Variants in ADCY1 observed in about 807,000 individuals in gnomAD.
ADCY1 encodes adenylate cyclase 1.
Under a neutral mutation model 105.4 loss-of-function variants are expected in ADCY1, and 28 were observed. The observed-to-expected ratio is 0.27, with a 90% CI of 0.20 to 0.36. The LOEUF (loss-of-function observed/expected upper bound fraction) is 0.36. Among genes scored for constraint, ADCY1 ranks in the 10% least tolerant of loss-of-function variants. The probability of loss-of-function intolerance (pLI) is 1.00; values close to 1 mark genes in which losing one functional copy is unlikely to be tolerated. For synonymous variants in ADCY1, 655 were observed against 623.8 expected (o/e 1.05, Z -0.75); for missense variants, 977 against 1,434.2 (o/e 0.68, Z 5.15).
intron 14 of ADCY1, among the ~76,000 whole-genome samples, chr7:45,694,323 A>C (rs1256984452): frequency 6.6e-6 from 1 of 152,180 alleles, no homozygotes; most frequent in Non-Finnish European, 1.5e-5. Context: ...AGTCCATAAC[A>C]GAAAGATCTC....
Position 45,574,720 on chromosome 7 carries a change from G to A in ADCY1, c.177G>A (p.Ala59=). The A allele has an allele frequency of 7.1e-7, 1 of 1,410,842 alleles. No homozygotes were observed. The highest frequency in any genetic ancestry group is 3.0e-5 in the East Asian group (1 of 32,914). The allele number at this position is 1,410,842 out of a possible 1,614,324, so 87.4% of individuals were successfully genotyped here. A position where few individuals can be genotyped will look rare whatever the true frequency, so the allele number is the denominator to read the frequency against. The part of the protein sequence containing the change: ...FRGYTLRLEQ[A]ATLKALAVLS... ...GCTACACGCTGCGGCTGGAGCAGGC[G>A]GCCACGCTGAAGGCGCTGGCCGTTC... The change falls in exon 1 of 20, where the codon GCG becomes GCA. Residue 59 remains alanine, a synonymous_variant. Transcript: ENST00000297323. The surrounding 1 kb of genome is among the most constrained non-coding windows in gnomAD (Gnocchi z 7.0).
At chr7:45,627,538 C>A (rs950191692) in intron 4 of ADCY1, among the ~76,000 whole-genome samples, 2 of 152,232 alleles carry the variant, frequency 1.3e-5, no homozygotes, top group African/African-American at 4.8e-5. Flanking sequence ...TTAAGTGGGA[C>A]AGTGCCATGC....
Position 45,710,562 on chromosome 7 carries a change from T to G in ADCY1, c.2967T>G (p.Ile989Met). 6.2e-7 allele frequency: 1 copy of G among 1,613,980 alleles called. No homozygotes were observed. The highest frequency in any genetic ancestry group is 8.5e-7 in the Non-Finnish European group (1 of 1,179,964). The change falls in exon 19 of 20, where the codon ATT becomes ATG. Residue 989 changes from isoleucine (I) to methionine (M), a missense_variant. By Grantham distance (10) the Ile-to-Met change is conservative (BLOSUM62 1). This residue lies in a region of ADCY1 where 152 missense variants were observed against 293.7 expected (regional missense o/e 0.52). Transcript: ENST00000297323. This position sits in a 1 kb window ranked among gnomAD's most constrained non-coding sequence, Gnocchi z 4.7. ...INVGPVVAGV[I>M]GARRPQYDIW... ...TTGGCCCTGTGGTGGCTGGAGTGAT[T>G]GGCGCTCGCAGGCCCCAGTACGACA... is the stretch of plus-strand genomic sequence containing the variant.
chr7:45,645,881 G>C (rs1292034466), intron 4 of ADCY1, among the ~76,000 whole-genome samples: 1 of 151,910 alleles, frequency 6.6e-6, no homozygotes, highest in Non-Finnish European at 1.5e-5. Flanking sequence ...GCTCTTGTGG[G>C]CTCCCAGAGG....
rs1785214840 is a variant in ADCY1, at chr7:45,710,695, T to G, written c.3057+43T>G. 6.3e-7 allele frequency: 1 copy of G among 1,577,252 alleles called. No individual in the cohort carries two copies. The highest frequency in any genetic ancestry group is 2.3e-5 in the East Asian group (1 of 43,620). ...CCCCTAAGGCATGGGTGCCCATTCT[T>G]CAGGTGAGGAAACTGAGGCACAGGG... On this transcript the variant is annotated intron_variant, in intron 19 of 19. Coordinates refer to ENST00000297323, the MANE Select transcript of ADCY1 (RefSeq NM_021116.4). The surrounding 1 kb of genome is among the most constrained non-coding windows in gnomAD (Gnocchi z 4.7).
At chr7:45,574,284 T>G, upstream of ADCY1, 1 of 331,260 alleles carries the variant, frequency 3.0e-6, no homozygotes, top group South Asian at 1.2e-4. The surrounding 1 kb of genome is among the most constrained non-coding windows in gnomAD (Gnocchi z 7.0). Flanking sequence ...CTCCCGGGGC[T>G]CGGCTGTCGC....
intron 2 of ADCY1, among the ~76,000 whole-genome samples, chr7:45,597,169 A>G (rs746152609): frequency 8.5e-5 from 13 of 152,162 alleles, no homozygotes; most frequent in Non-Finnish European, 1.9e-4. Flanking sequence ...CAAACTCCCA[A>G]TATTAAAACT....
chr7:45,671,274 T>A (rs879920485), intron 8 of ADCY1, among the ~76,000 whole-genome samples: 2,228 of 152,344 alleles, frequency 0.015, 21 homozygotes, highest in Middle Eastern at 0.041. Context: ...AGTGCCTTCC[T>A]TTCATTGCTA....
In ADCY1 at chr7:45,680,110, G is replaced by C. The variant is rs74376359; in HGVS notation, c.1983+317G>C. ...CAGGTGCTCATGAAGACCCAGTTCT[G>C]CACTGGGCACATGCACTCCTTTGGG... On this transcript the variant is annotated intron_variant, in intron 11 of 19. Coordinates refer to ENST00000297323, the MANE Select transcript of ADCY1 (RefSeq NM_021116.4). Among the ~76,000 whole-genome samples, 1,440 of 152,332 alleles carry C rather than the reference G, an allele frequency of 9.5e-3. 20 individuals are homozygous for C. Among genetic ancestry groups the C allele is most frequent in the Non-Finnish European group, 0.013 (916 of 68,026 alleles).
At chr7:45,704,826 C>T (rs1228902253) in intron 17 of ADCY1, among the ~76,000 whole-genome samples, 1 of 152,104 alleles carries the variant, frequency 6.6e-6, no homozygotes, top group Non-Finnish European at 1.5e-5. Flanking sequence ...GGAGCTTCCT[C>T]CAGCCCCAGC....
intron 1 of ADCY1, among the ~76,000 whole-genome samples, chr7:45,581,512 A>G (rs1295009884): frequency 6.6e-6 from 1 of 152,184 alleles, no homozygotes; most frequent in Non-Finnish European, 1.5e-5. Context: ...ATGTGTCCGC[A>G]GTGGAGGCTG....
intron 8 of ADCY1, among the ~76,000 whole-genome samples, chr7:45,665,919 T>C (rs1784242170): frequency 6.6e-6 from 1 of 152,196 alleles, no homozygotes; most frequent in Non-Finnish European, 1.5e-5. Flanking sequence ...GAGGATAGCC[T>C]AGGGGTATTT....
chr7:45,701,609 A>G (rs1784997687), intron 14 of ADCY1, among the ~76,000 whole-genome samples: 1 of 152,140 alleles, frequency 6.6e-6, no homozygotes, highest in Non-Finnish European at 1.5e-5. Context: ...CCCTTTACAA[A>G]CCTTTCTTTT....
At position 45,710,532 on chromosome 7, in the gene ADCY1, C is replaced by G; in HGVS notation, c.2937C>G (p.Ile979Met). 6.2e-7 allele frequency: 1 copy of G among 1,613,670 alleles called. No homozygotes were observed. The highest frequency in any genetic ancestry group is 1.1e-5 in the South Asian group (1 of 91,024). The change falls in exon 19 of 20, where the codon ATC becomes ATG. Residue 979 changes from isoleucine (I) to methionine (M), a missense_variant. This residue lies in a region of ADCY1 where 152 missense variants were observed against 293.7 expected (regional missense o/e 0.52). Transcript: ENST00000297323. The surrounding 1 kb of genome is among the most constrained non-coding windows in gnomAD (Gnocchi z 4.7). ...SYNDFVLRVG[I>M]NVGPVVAGVI... The stretch of plus-strand genomic sequence containing the variant: ...CATGCGCTGGCTGTTTTCTAGGCAT[C>G]AATGTTGGCCCTGTGGTGGCTGGAG...
chr7:45,610,604 A>T, intron 3 of ADCY1, 107 bp downstream of exon 3: 9 of 861,060 alleles, frequency 1.0e-5, no homozygotes, highest in Non-Finnish European at 1.3e-5. Context: ...GGATGGATGG[A>T]GGTGGGGAAA....
At chr7:45,657,033 C>T (rs1259449236) in intron 5 of ADCY1, among the ~76,000 whole-genome samples, 1 of 152,222 alleles carries the variant, frequency 6.6e-6, no homozygotes, top group Non-Finnish European at 1.5e-5. Flanking sequence ...TGGGGTTTCC[C>T]AGAAGCCCTC....
At chr7:45,579,946 C>T (rs1219677862) in intron 1 of ADCY1, among the ~76,000 whole-genome samples, 4 of 129,120 alleles carry the variant, frequency 3.1e-5, no homozygotes, top group Middle Eastern at 3.6e-3. Flanking sequence ...ACTGCCCCGT[C>T]CCCCCCTTCC....
chr7:45,609,190 C>T (rs1418455950), intron 2 of ADCY1, among the ~76,000 whole-genome samples: 1 of 152,230 alleles, frequency 6.6e-6, no homozygotes, highest in Non-Finnish European at 1.5e-5. Flanking sequence ...GTGGCTGCTC[C>T]TATGGCTCCT....
intron 5 of ADCY1, among the ~76,000 whole-genome samples, chr7:45,649,700 C>T (rs910701593): frequency 6.6e-6 from 1 of 152,128 alleles, no homozygotes; most frequent in Non-Finnish European, 1.5e-5. Context: ...TGGAAGGAGG[C>T]GGTTGGGAGG....
Sources: gnomAD v4.1 joint callset for allele counts (sites outside exome capture counted in the v4.1 genomes callset) on GRCh38, gnomAD v4.1.1 for gene constraint, gnomAD v4.1.1 regional missense constraint, Gnocchi (gnomAD v3.1) non-coding constraint, MANE v1.5 for transcripts, NCBI Gene and HGNC (gene_info 2026-07-23, HGNC 2026-07-21) for gene names.